SLC12A9: variants seen among roughly 807,000 people sequenced by gnomAD.
The protein encoded by SLC12A9 is CCC-interacting protein 1.
In SLC12A9, 55 loss-of-function variants were observed where a neutral mutation model predicts 66.0. The observed-to-expected ratio is 0.83, with a 90% CI of 0.67 to 1.04. The LOEUF is 1.04. Among genes scored for constraint, SLC12A9 ranks in the 50% least tolerant of loss-of-function variants. The pLI, the probability that SLC12A9 is intolerant of heterozygous loss-of-function variation, is 0.00. For synonymous variants in SLC12A9, 577 were observed against 569.0 expected (o/e 1.01, Z -0.20); for missense variants, 1,061 against 1,241.9 (o/e 0.85, Z 2.19).
upstream of SLC12A9, among the ~76,000 whole-genome samples, chr7:100,848,412 T>G (rs1370160260): frequency 6.6e-6 from 1 of 150,794 alleles, no homozygotes; most frequent in Non-Finnish European, 1.5e-5. Flanking sequence ...GCAGGAGGAT[T>G]GCTTGAGCCT....
chr7:100,866,388 C>A lies in SLC12A9; in HGVS notation c.2528C>A (p.Ala843Asp). The change falls in exon 14 of 14, where the codon GCC (alanine) becomes GAC (aspartate). Residue 843 changes from alanine to aspartate, a missense_variant. By Grantham distance (126) the Ala-to-Asp change is moderately radical. Coordinates refer to ENST00000354161, the MANE Select transcript of SLC12A9 (RefSeq NM_020246.4). The surrounding 1 kb of genome is among the most constrained non-coding windows in gnomAD (Gnocchi z 7.3). Reference sequence around the variant, plus strand: ...CGCAGCGCCAACGCCCTGGTTCGGGCCCAGCAGGGGCGCGGCACAGGAGGA... The same window carrying A: ...CGCAGCGCCAACGCCCTGGTTCGGGACCAGCAGGGGCGCGGCACAGGAGGA... ...LARSANALVR[A>D]QQGRGTGGGP... is the part of the protein sequence containing the mutation. 6.5e-7 allele frequency: 1 copy of A among 1,530,108 alleles called. No homozygotes were observed. Among genetic ancestry groups the A allele is most frequent in the Non-Finnish European group, 8.8e-7 (1 of 1,136,242 alleles). The allele number at this position is 1,530,108 out of a possible 1,614,324, so 94.8% of individuals were successfully genotyped here.
Position 100,861,112 on chromosome 7 carries a change from C to T in SLC12A9, c.1219-26C>T, listed in dbSNP as rs765041419. The stretch of plus-strand genomic sequence containing the variant: ...GGGGTGCACTGGCACTTTGGAACAA[C>T]GGCACGCCTCTTGGCCCTTGCCCAG... On this transcript the variant is annotated intron_variant, in intron 9 of 13. Transcript: ENST00000354161. The surrounding 1 kb of genome is among the most constrained non-coding windows in gnomAD (Gnocchi z 5.3). The T allele has an allele frequency of 2.1e-5, 34 of 1,613,966 alleles. No homozygotes were observed. Among genetic ancestry groups the T allele is most frequent in the South Asian group, 9.9e-5 (9 of 91,090 alleles).
intron 4 of SLC12A9, chr7:100,856,594 A>G (rs997553905): frequency 2.5e-6 from 1 of 407,360 alleles, no homozygotes; most frequent in Non-Finnish European, 4.4e-6. Context: ...GGCTCAATGC[A>G]ACTTCTGCCT....
chr7:100,861,042 C>A lies in SLC12A9; in HGVS notation c.1219-96C>A, dbSNP rs771432267. On this transcript the variant is annotated intron_variant, in intron 9 of 13. Transcript: ENST00000354161. This position sits in a 1 kb window ranked among gnomAD's most constrained non-coding sequence, Gnocchi z 5.3. The stretch of plus-strand genomic sequence containing the variant: ...ACTGGCACTTTCTGGGGCTCATTGA[C>A]ACTTTGGGGTACACTGGCATTCTTT... 2.5e-6 allele frequency: 4 copies of A among 1,601,196 alleles called. No homozygotes were observed. In the South Asian group the frequency reaches 3.3e-5, roughly 13 times the overall value.
upstream of SLC12A9, among the ~76,000 whole-genome samples, chr7:100,852,213 G>A (rs1247699845): frequency 6.6e-6 from 1 of 152,248 alleles, no homozygotes; most frequent in Admixed American, 6.5e-5. Context: ...TCCCTCCGGT[G>A]GCGGAAGCGA....
intron 1 of SLC12A9, among the ~76,000 whole-genome samples, chr7:100,830,956 G>A (rs769319007): frequency 3.3e-5 from 5 of 151,966 alleles, no homozygotes; most frequent in Non-Finnish European, 7.4e-5. Context: ...GAACGTGGGT[G>A]AACATTCACG....
At chr7:100,846,655 C>T (rs1813923789) in intron 1 of SLC12A9, among the ~76,000 whole-genome samples, 1 of 151,932 alleles carries the variant, frequency 6.6e-6, no homozygotes, top group African/African-American at 2.4e-5. Context: ...ATCTGTCGTG[C>T]AAGAAGACAT....
In SLC12A9 at chr7:100,855,854, A is replaced by C; in HGVS notation, c.448+17A>C. The stretch of plus-strand genomic sequence containing the variant: ...TCGGGGCCGGTCTGTGCTCTGTCCG[A>C]TCTGGGCAGTGCTGCGGGTTTACAG... On this transcript the variant is annotated intron_variant, in intron 4 of 13. Coordinates refer to ENST00000354161, the MANE Select transcript of SLC12A9 (RefSeq NM_020246.4). The C allele has an allele frequency of 1.3e-6, 2 of 1,589,290 alleles. No individual in the cohort carries two copies. The highest frequency in any genetic ancestry group is 1.7e-6 in the Non-Finnish European group (2 of 1,167,080).
At chr7:100,848,143 G>C (rs1288737055), upstream of SLC12A9, among the ~76,000 whole-genome samples, 1 of 148,750 alleles carries the variant, frequency 6.7e-6, no homozygotes, top group East Asian at 2.0e-4. Context: ...TGGCTATACA[G>C]CCTGAAGTTC....
In SLC12A9 at chr7:100,854,225, G is replaced by A. The variant is rs772014309; in HGVS notation, c.28G>A (p.Ala10Thr). 6.4e-6 allele frequency: 10 copies of A among 1,574,756 alleles called. No individual in the cohort carries two copies. Among genetic ancestry groups the A allele is most frequent in the African/African-American group, 2.8e-5 (2 of 72,262 alleles). ...GGCCAGCGAGAGCTCACCTCTGCTG[G>A]CCTACCGGCTCCTGGGGGAGGAGGG... MASESSPLLAYRLLGEEGVA... is the reference protein window; with the variant it reads MASESSPLLTYRLLGEEGVA... The change falls in exon 2 of 14, where the codon GCC (alanine) becomes ACC (threonine). Residue 10 changes from alanine to threonine, a missense_variant. By Grantham distance (58) the Ala-to-Thr change is moderately conservative. Transcript: ENST00000354161.
At chr7:100,862,650 G>A (rs779825404) in intron 12 of SLC12A9, 31 bp from the exon 13 acceptor site, 3 of 1,611,662 alleles carry the variant, frequency 1.9e-6, no homozygotes, top group African/African-American at 2.7e-5. Flanking sequence ...GGACAACACT[G>A]GCTACCTTCC....
chr7:100,831,641 A>G (rs1813546744), intron 1 of SLC12A9, among the ~76,000 whole-genome samples: 1 of 152,154 alleles, frequency 6.6e-6, no homozygotes, highest in South Asian at 2.1e-4. Flanking sequence ...CCGGCTAATA[A>G]GTTTACTTTT....
intron 5 of SLC12A9, chr7:100,858,263 T>C (rs987584531): frequency 1.3e-5 from 2 of 152,022 alleles, no homozygotes; most frequent in Non-Finnish European, 2.9e-5. Context: ...AATACAAAAA[T>C]TAGCCAGGCG....
chr7:100,831,479 C>T (rs1388430262), intron 1 of SLC12A9, among the ~76,000 whole-genome samples: 2 of 151,192 alleles, frequency 1.3e-5, no homozygotes, highest in African/African-American at 2.4e-5. Flanking sequence ...AGCCACTGCA[C>T]GTGGCTCTTT....
At chr7:100,847,016 C>T (rs1472514513) in intron 1 of SLC12A9, among the ~76,000 whole-genome samples, 7 of 152,110 alleles carry the variant, frequency 4.6e-5, no homozygotes, top group Non-Finnish European at 4.4e-5. Context: ...GATCAAGACC[C>T]TCTCTTGCGC....
In SLC12A9 at chr7:100,853,369, G is replaced by C. The variant is rs1474731943; in HGVS notation, c.-43+534G>C. ...ACCTTTGCCCCTTTCCAGAACCGGT[G>C]CCATCCCTAGTCTCAGGAACATAAG... On this transcript the variant is annotated intron_variant, in intron 1 of 13. Coordinates refer to ENST00000354161, the MANE Select transcript of SLC12A9 (RefSeq NM_020246.4). 3 of 152,154 alleles carry C rather than the reference G, an allele frequency of 2.0e-5. No individual in the cohort carries two copies. In the East Asian group the frequency reaches 5.8e-4, roughly 29 times the overall value. 9.4% of individuals were successfully genotyped at this position (152,154 alleles called of 1,614,324 possible).
At chr7:100,840,224 C>T (rs990381930) in intron 1 of SLC12A9, among the ~76,000 whole-genome samples, 3 of 151,836 alleles carry the variant, frequency 2.0e-5, no homozygotes, top group African/African-American at 4.8e-5. Flanking sequence ...TGTTTTGTGT[C>T]GAAGAAGCAT....
chr7:100,856,043 C>A, intron 4 of SLC12A9: 2 of 624,610 alleles, frequency 3.2e-6, no homozygotes, highest in African/African-American at 3.8e-5. Flanking sequence ...ACCATCTAAT[C>A]GGAGAGACCA....
Position 100,862,822 on chromosome 7 carries a change from G to T in SLC12A9, c.1853G>T (p.Gly618Val). 6.2e-7 allele frequency: 1 copy of T among 1,613,950 alleles called. No individual in the cohort carries two copies. Among genetic ancestry groups the T allele is most frequent in the East Asian group, 2.2e-5 (1 of 44,862 alleles). ...QGAQHLLRIS[G>V]LGGMKPNTLV... Reference sequence around the variant, plus strand: ...GCTCAGCATCTGCTGCGAATCTCCGGCCTCGGTGAGCTGCTTCTCCCTGGA... The same window carrying T: ...GCTCAGCATCTGCTGCGAATCTCCGTCCTCGGTGAGCTGCTTCTCCCTGGA... The change falls in exon 13 of 14, where the codon GGC becomes GTC. Residue 618 changes from glycine (G) to valine (V), a missense_variant. Physicochemically the swap from Gly to Val is moderately radical, Grantham distance 109 (BLOSUM62 -3). Coordinates refer to ENST00000354161, the MANE Select transcript of SLC12A9 (RefSeq NM_020246.4).
Sources: gnomAD v4.1 joint callset for allele counts (sites outside exome capture counted in the v4.1 genomes callset) on GRCh38, gnomAD v4.1.1 for gene constraint, Gnocchi (gnomAD v3.1) non-coding constraint, MANE v1.5 for transcripts, NCBI Gene and HGNC (gene_info 2026-07-23, HGNC 2026-07-21) for gene names.